Variants in SERPINB3 observed in about 807,000 individuals in gnomAD.
SERPINB3 encodes serpin B3.
Under a neutral mutation model 33.0 loss-of-function variants are expected in SERPINB3, and 33 were observed. That is an observed-to-expected ratio of 1.00 (90% CI 0.76 to 1.34). SERPINB3 has a LOEUF of 1.34. Ranked by LOEUF, SERPINB3 falls within the 40% of genes most tolerant of loss-of-function variation. SERPINB3 has a pLI of 0.00. For synonymous variants in SERPINB3, 200 were observed against 170.9 expected (o/e 1.17, Z -1.33); for missense variants, 518 against 461.5 (o/e 1.12, Z -1.12).
Position 63,661,232 on chromosome 18 carries a change from A to T in SERPINB3, c.-16T>A, listed in dbSNP as rs1260542267. On this transcript the variant is annotated 5_prime_UTR_variant, in exon 2 of 8. Coordinates refer to ENST00000283752, the MANE Select transcript of SERPINB3 (RefSeq NM_006919.3). ...GTGAATTCATGGTGAACTCGATGTG[A>T]TCTGGAACTCCTGGAAAAGCATCAG... 1.2e-6 allele frequency: 2 copies of T among 1,609,250 alleles called. No homozygotes were observed. Among genetic ancestry groups the T allele is most frequent in the Non-Finnish European group, 1.7e-6 (2 of 1,177,820 alleles).
At chr18:63,659,374 A>T in intron 4 of SERPINB3, 25 bp downstream of exon 4, 1 of 1,547,468 alleles carries the variant, frequency 6.5e-7, no homozygotes. Flanking sequence ...TGCAAATGAA[A>T]TGTGGGTAGG....
rs376024980 is a variant in SERPINB3 at position 63,660,783 on chromosome 18, A to G, written c.222+17T>C. 3.1e-6 allele frequency: 5 copies of G among 1,613,142 alleles called. No homozygotes were observed. The African/African-American group carries it at 5.3e-5, about 17-fold the overall frequency. Reference sequence around the variant, plus strand: ...GTTCGGGGATCTAAAGCTGAACCATAGTGCTCTGTGACTCACATGATATGT... The same window carrying G: ...GTTCGGGGATCTAAAGCTGAACCATGGTGCTCTGTGACTCACATGATATGT... On this transcript the variant is annotated intron_variant, in intron 3 of 7. Transcript: ENST00000283752.
chr18:63,656,311 A>G (rs1019856180), intron 7 of SERPINB3, among the ~76,000 whole-genome samples: 10 of 152,334 alleles, frequency 6.6e-5, no homozygotes, highest in African/African-American at 1.4e-4. Flanking sequence ...ATATGTATGT[A>G]TACAACTGTA....
At chr18:63,658,159 T>C (rs1219511344) in intron 5 of SERPINB3, among the ~76,000 whole-genome samples, 4 of 152,256 alleles carry the variant, frequency 2.6e-5, no homozygotes, top group Admixed American at 2.6e-4. Flanking sequence ...TGCTTTCTAA[T>C]GTTTCCTTTT....
At chr18:63,658,656 G>C in intron 4 of SERPINB3, 26 bp from the exon 5 acceptor site, 1 of 1,551,358 alleles carries the variant, frequency 6.4e-7, no homozygotes, top group East Asian at 2.2e-5. Context: ...GAAGAAAGTA[G>C]GAAGTAAGAG....
chr18:63,656,406 CAT>C (rs1267366355), intron 7 of SERPINB3, among the ~76,000 whole-genome samples: 1 of 152,170 alleles, frequency 6.6e-6, no homozygotes, highest in Non-Finnish European at 1.5e-5. Flanking sequence ...CAGCCTACTA[CAT>C]GTGTCAATTT....
intron 1 of SERPINB3, 64 bp from the exon 2 acceptor site, chr18:63,661,306 A>C: frequency 1.4e-6 from 2 of 1,478,462 alleles, no homozygotes; most frequent in Non-Finnish European, 1.8e-6. Context: ...TTGTAGTACA[A>C]TTTTCTTAAA....
intron 5 of SERPINB3, among the ~76,000 whole-genome samples, chr18:63,657,984 G>T (rs1212503219): frequency 5.9e-5 from 9 of 151,698 alleles, no homozygotes; most frequent in Non-Finnish European, 7.4e-5. Context: ...GATGTCTATA[G>T]AATGGAGAAT....
rs1913460912 is a variant in SERPINB3, at chr18:63,655,211, T to A, written c.*446A>T. On this transcript the variant is annotated 3_prime_UTR_variant, in exon 8 of 8. Transcript: ENST00000283752. ...TAAAGCAAAAATGATTTTATGTCACTATTTTATTGATGATGTGTTTTATAG... is the reference window on the plus strand; with the variant it reads ...TAAAGCAAAAATGATTTTATGTCACAATTTTATTGATGATGTGTTTTATAG... 1 of 154,092 alleles carries A rather than the reference T, an allele frequency of 6.5e-6. No homozygotes were observed. Among genetic ancestry groups the A allele is most frequent in the South Asian group, 2.0e-4 (1 of 4,892 alleles). 9.5% of individuals were successfully genotyped at this position (154,092 alleles called of 1,614,324 possible). A position where few individuals can be genotyped will look rare whatever the true frequency, so the allele number is the denominator to read the frequency against.
intron 7 of SERPINB3, 57 bp downstream of exon 7, chr18:63,656,774 G>A: frequency 6.5e-7 from 1 of 1,530,266 alleles, no homozygotes; most frequent in Non-Finnish European, 8.9e-7. Context: ...TTTAAACTTG[G>A]TATCTTTGGA....
At chr18:63,657,687 T>A (rs991094049) in intron 5 of SERPINB3, among the ~76,000 whole-genome samples, 3 of 152,104 alleles carry the variant, frequency 2.0e-5, no homozygotes, top group East Asian at 1.9e-4. Context: ...AATGAGTCCA[T>A]TCATCTGATT....
rs1913560322 is a variant in SERPINB3, at chr18:63,658,638, A to G, written c.352-8T>C. The G allele has an allele frequency of 6.3e-7, 1 of 1,591,184 alleles. No homozygotes were observed. The highest frequency in any genetic ancestry group is 1.3e-5 in the African/African-American group (1 of 74,630). ...GATGGCATCTAAATATTCCTTTGAG[A>G]TATGAAGGAAGAAAGTAGGAAGTAA... On this transcript the variant is annotated splice_polypyrimidine_tract_variant and splice_region_variant and intron_variant, in intron 4 of 7. Transcript: ENST00000283752.
chr18:63,659,942 C>T (rs536808554), intron 3 of SERPINB3, among the ~76,000 whole-genome samples: 1 of 152,146 alleles, frequency 6.6e-6, no homozygotes, highest in Non-Finnish European at 1.5e-5. Flanking sequence ...CCAGGAAGCC[C>T]TGTTATACCT....
In SERPINB3 at chr18:63,658,557, T is replaced by C. The variant is rs1913557962; in HGVS notation, c.425A>G (p.Glu142Gly). ...CCAGGAGTTAATCTTCTTTCGACTT[T>C]CTTCTGGAGCATTTGCAAAATCAAC... ...ESVDFANAPE[E>G]SRKKINSWVE... The change falls in exon 5 of 8, where the codon GAA (glutamate) becomes GGA (glycine). Residue 142 changes from glutamate to glycine, a missense_variant. Transcript: ENST00000283752. 6.2e-7 allele frequency: 1 copy of C among 1,613,282 alleles called. No individual in the cohort carries two copies. Among genetic ancestry groups the C allele is most frequent in the Non-Finnish European group, 8.5e-7 (1 of 1,179,508 alleles).
In SERPINB3 at chr18:63,656,913, G is replaced by T. The variant is rs758724951; in HGVS notation, c.686C>A (p.Ala229Asp). The T allele has an allele frequency of 3.1e-6, 5 of 1,613,498 alleles. No homozygotes were observed. The South Asian group carries it at 5.5e-5, about 18-fold the overall frequency. Residue 229 changes from alanine to aspartate, a missense_variant, in exon 7 of 8, where the codon GCC becomes GAC. Coordinates refer to ENST00000283752, the MANE Select transcript of SERPINB3 (RefSeq NM_006919.3). ...TTTGTATGGTATTTCCAGGACCTTG[G>T]CCTGTACATCCTCCAGCGAGGCAAA... Reference protein sequence around the residue: ...FHFASLEDVQAKVLEIPYKGK... With the variant: ...FHFASLEDVQDKVLEIPYKGK...
Position 63,656,961 on chromosome 18 carries a change from A to G in SERPINB3, c.638T>C (p.Met213Thr), listed in dbSNP as rs762253199. The G allele has an allele frequency of 3.7e-6, 6 of 1,612,686 alleles. No homozygotes were observed. Among genetic ancestry groups the G allele is most frequent in the Non-Finnish European group, 5.1e-6 (6 of 1,179,134 alleles). Reference sequence around the variant, plus strand: ...AAAATGAAAAGATGTGTATTGCCTCATCATCTGTATGGACTTGTATGTATT... The same window carrying G: ...AAAATGAAAAGATGTGTATTGCCTCGTCATCTGTATGGACTTGTATGTATT... ...NKNTYKSIQMMRQYTSFHFAS... is the reference protein window; with the variant it reads ...NKNTYKSIQMTRQYTSFHFAS... The change falls in exon 7 of 8, where the codon ATG (methionine) becomes ACG (threonine). Residue 213 changes from methionine to threonine, a missense_variant. Transcript: ENST00000283752.
At position 63,656,910 on chromosome 18, in the gene SERPINB3, T is replaced by A. The variant is rs1267678655; in HGVS notation, c.689A>T (p.Lys230Met). The change falls in exon 7 of 8, where the codon AAG (lysine) becomes ATG (methionine). Residue 230 changes from lysine (K) to methionine (M), a missense_variant. Transcript: ENST00000283752. ...HFASLEDVQA[K>M]VLEIPYKGKD... is the part of the protein sequence containing the mutation. The stretch of plus-strand genomic sequence containing the variant: ...GCCTTTGTATGGTATTTCCAGGACC[T>A]TGGCCTGTACATCCTCCAGCGAGGC... The A allele has an allele frequency of 1.2e-6, 2 of 1,613,576 alleles. No individual in the cohort carries two copies. Among genetic ancestry groups the A allele is most frequent in the Admixed American group, 1.7e-5 (1 of 59,984 alleles).
chr18:63,658,600 G>A lies in SERPINB3; in HGVS notation c.382C>T (p.Gln128Ter), dbSNP rs1913559221. 4 of 1,612,710 alleles carry A rather than the reference G, an allele frequency of 2.5e-6. No individual in the cohort carries two copies. In the East Asian group the frequency reaches 6.7e-5, roughly 27 times the overall value. ...EYLDAIKKFYQTSVESVDFAN... is the reference protein window; with the variant it reads ...EYLDAIKKFY ...AAATCAACAGATTCCACACTGGTCT[G>A]GTAAAATTTCTTGATGGCATCTAAA... is the stretch of plus-strand genomic sequence containing the variant. The change falls in exon 5 of 8, where the codon CAG becomes TAG. Residue 128 changes from glutamine to a stop codon, truncating the protein, a stop_gained. Transcript: ENST00000283752. LOFTEE classifies it high-confidence loss of function.
chr18:63,657,016 CCA>C (rs1410263827), intron 6 of SERPINB3, 30 bp from the exon 7 acceptor site: 1 of 1,559,750 alleles, frequency 6.4e-7, no homozygotes, highest in South Asian at 1.2e-5. Flanking sequence ...CCAACAAATA[CCA>C]AGTGAGACAC....
Sources: allele counts gnomAD v4.1 joint callset (sites outside exome capture counted in the v4.1 genomes callset), GRCh38; gene constraint gnomAD v4.1.1; transcripts MANE v1.5; gene names NCBI Gene and HGNC (gene_info 2026-07-23, HGNC 2026-07-21).